TACR1: variants seen among roughly 807,000 people sequenced by gnomAD.
The protein encoded by TACR1 is tachykinin receptor 1, also known as substance-P receptor.
In TACR1, 25 loss-of-function variants were observed where a neutral mutation model predicts 35.8. That is an observed-to-expected ratio of 0.70 (90% CI 0.51 to 0.98). TACR1 has a LOEUF of 0.98. Ranked by LOEUF, TACR1 falls within the 50% of genes least tolerant of loss-of-function variation. TACR1 has a pLI of 0.00. For synonymous variants in TACR1, 195 were observed against 206.7 expected, an observed-to-expected ratio of 0.94 and a Z score of 0.48; for missense variants, 478 against 522.9, an observed-to-expected ratio of 0.91 and a Z score of 0.84.
chr2:75,098,772 G>A (rs573761453), intron 2 of TACR1, among the ~76,000 whole-genome samples: 1 of 152,212 alleles, frequency 6.6e-6, no homozygotes, highest in East Asian at 1.9e-4. Context: ...CTCCTGCTCT[G>A]CCTTTGGGTT....
intron 2 of TACR1, among the ~76,000 whole-genome samples, chr2:75,074,053 A>G (rs1468415610): frequency 6.6e-6 from 1 of 152,212 alleles, no homozygotes; most frequent in Non-Finnish European, 1.5e-5. Flanking sequence ...TATGCCTGAG[A>G]TAAAGCATAC....
intron 1 of TACR1, among the ~76,000 whole-genome samples, chr2:75,156,602 CAAAAA>C (rs58048867): frequency 2.8e-5 from 3 of 108,526 alleles, no homozygotes; most frequent in Non-Finnish European, 3.6e-5. Flanking sequence ...GACTCCGTCT[CAAAAA>C]AAAAAAAAAA....
chr2:75,183,888 T>A (rs1462616497), intron 1 of TACR1, among the ~76,000 whole-genome samples: 1 of 152,222 alleles, frequency 6.6e-6, no homozygotes, highest in African/African-American at 2.4e-5. Flanking sequence ...TACTGCATGA[T>A]GAGTAAACAG....
chr2:75,191,969 T>C (rs1179248026), intron 1 of TACR1, among the ~76,000 whole-genome samples: 1 of 151,988 alleles, frequency 6.6e-6, no homozygotes, highest in Non-Finnish European at 1.5e-5. Context: ...ATAGACAAGG[T>C]ACAGACAGTT....
chr2:75,094,859 A>ATATATATATATATATATATATATATTTTT, intron 2 of TACR1, among the ~76,000 whole-genome samples: 2 of 113,104 alleles, frequency 1.8e-5, no homozygotes, highest in African/African-American at 9.6e-5. Context: ...ATATATATAT[A>ATATATATATATATATATATATATATTTTT]TTTTTTTTTT....
At chr2:75,147,755 T>G (rs1388706991) in intron 1 of TACR1, among the ~76,000 whole-genome samples, 1 of 151,616 alleles carries the variant, frequency 6.6e-6, no homozygotes, top group Non-Finnish European at 1.5e-5. Context: ...CCTTTTTTTT[T>G]TTTTCTGATA....
At chr2:75,133,958 TG>T (rs1674228240) in intron 1 of TACR1, among the ~76,000 whole-genome samples, 1 of 152,188 alleles carries the variant, frequency 6.6e-6, no homozygotes, top group African/African-American at 2.4e-5. Context: ...GAGACTTCTT[TG>T]TTTTGGAGAC....
rs1019893643 is a variant in TACR1 at position 75,093,864 on chromosome 2, C to T, written c.584+26710G>A. 5.9e-5 allele frequency among the ~76,000 whole-genome samples: 9 copies of T among 152,110 alleles called. No homozygotes were observed. The East Asian group carries it at 7.7e-4, about 13-fold the overall frequency. Reference sequence around the variant, plus strand: ...AACAAGACAAAGCTGAGTGTTTTTGCCTTAGAATCCTGGGGTATTAGAATT... The same window carrying T: ...AACAAGACAAAGCTGAGTGTTTTTGTCTTAGAATCCTGGGGTATTAGAATT... On this transcript the variant is annotated intron_variant, in intron 2 of 4. Transcript: ENST00000305249.
chr2:75,077,953 A>G (rs1447070194), intron 2 of TACR1, among the ~76,000 whole-genome samples: 4 of 152,196 alleles, frequency 2.6e-5, no homozygotes, highest in African/African-American at 9.7e-5. Flanking sequence ...TGGAAAGCTC[A>G]TTCATATCTA....
chr2:75,183,392 T>C (rs562371892), intron 1 of TACR1, among the ~76,000 whole-genome samples: 145 of 152,322 alleles, frequency 9.5e-4, no homozygotes, highest in African/African-American at 3.3e-3. Flanking sequence ...CTATGTTTTT[T>C]CTCTAAAAAG....
chr2:75,104,036 T>G (rs1391663392), intron 2 of TACR1, among the ~76,000 whole-genome samples: 1 of 151,962 alleles, frequency 6.6e-6, no homozygotes, highest in African/African-American at 2.4e-5. Context: ...ATTGACCAAA[T>G]GGCAGTAGTA....
At chr2:75,069,938 C>T (rs974313126) in intron 2 of TACR1, among the ~76,000 whole-genome samples, 1 of 150,602 alleles carries the variant, frequency 6.6e-6, no homozygotes, top group Non-Finnish European at 1.5e-5. Context: ...TCTTTGGAAG[C>T]AAGACACCAT....
chr2:75,114,537 A>T (rs1673813429), intron 2 of TACR1, among the ~76,000 whole-genome samples: 1 of 152,242 alleles, frequency 6.6e-6, no homozygotes, highest in Non-Finnish European at 1.5e-5. Flanking sequence ...CAACTACAAG[A>T]ATGGGCTTAG....
chr2:75,135,357 C>G (rs1674258051), intron 1 of TACR1, among the ~76,000 whole-genome samples: 1 of 152,256 alleles, frequency 6.6e-6, no homozygotes, highest in Non-Finnish European at 1.5e-5. Flanking sequence ...TAGACAAATT[C>G]TGGTGCATAG....
intron 1 of TACR1, among the ~76,000 whole-genome samples, chr2:75,163,291 C>G (rs944551220): frequency 6.6e-6 from 1 of 152,166 alleles, no homozygotes. Flanking sequence ...AATTTTTTTA[C>G]CCTTACATAA....
chr2:75,186,123 C>T (rs1255618388), intron 1 of TACR1, among the ~76,000 whole-genome samples: 1 of 152,052 alleles, frequency 6.6e-6, no homozygotes, highest in Non-Finnish European at 1.5e-5. Context: ...CCTGTAATCC[C>T]AGCACTTTGG....
intron 1 of TACR1, among the ~76,000 whole-genome samples, chr2:75,170,837 A>G (rs1675261130): frequency 6.6e-6 from 1 of 152,230 alleles, no homozygotes; most frequent in Non-Finnish European, 1.5e-5. Flanking sequence ...GAAATTTCTA[A>G]GCAGCAAAGT....
chr2:75,053,607 T>G lies in TACR1; in HGVS notation c.733A>C (p.Lys245Gln). Residue 245 changes from lysine (K) to glutamine (Q), a missense_variant and splice_region_variant, in exon 3 of 5, where the codon AAG becomes CAG. Transcript: ENST00000305249. ...AGTTCTGCCTGTCCCCTGCTCACCTTGCGCTTGGCAGAGACTTGCTCGTGG... is the reference window on the plus strand; with the variant it reads ...AGTTCTGCCTGTCCCCTGCTCACCTGGCGCTTGGCAGAGACTTGCTCGTGG... The part of the protein sequence containing the change: ...RYHEQVSAKR[K>Q]VVKMMIVVVC... 1 of 1,540,194 alleles carries G rather than the reference T, an allele frequency of 6.5e-7. No individual in the cohort carries two copies. Among genetic ancestry groups the G allele is most frequent in the South Asian group, 1.3e-5 (1 of 77,868 alleles).
rs544073130 is a variant in TACR1, at chr2:75,123,164, A to G, written c.390-2396T>C. On this transcript the variant is annotated intron_variant, in intron 1 of 4. Transcript: ENST00000305249. ...GCTTGTTGGATTATTTCCCAAATGC[A>G]GCGGTGAAGATGCCTTATCTCACCT... Among the ~76,000 whole-genome samples the G allele has an allele frequency of 1.5e-3, 226 of 152,358 alleles. 1 individual carries two copies. The highest frequency in any genetic ancestry group is 2.0e-3 in the Admixed American group (30 of 15,300).
Sources: allele counts gnomAD v4.1 joint callset (sites outside exome capture counted in the v4.1 genomes callset), GRCh38; gene constraint gnomAD v4.1.1; transcripts MANE v1.5; gene names NCBI Gene and HGNC (gene_info 2026-07-23, HGNC 2026-07-21).